Variants in RIN2 observed in about 807,000 individuals in gnomAD.
The protein encoded by RIN2 is Ras and Rab interactor 2, also known as RAB5 interacting protein 2.
A neutral mutation model predicts 78.0 loss-of-function variants in RIN2; 36 were observed. The observed-to-expected ratio is 0.46, with a 90% CI of 0.35 to 0.61. The LOEUF (loss-of-function observed/expected upper bound fraction) is 0.61. Among genes scored for constraint, RIN2 ranks in the 20% least tolerant of loss-of-function variants. RIN2 has a pLI of 0.00. For synonymous variants in RIN2, 466 were observed against 466.8 expected (o/e 1.00, Z 0.02); for missense variants, 1,087 against 1,159.7 (o/e 0.94, Z 0.91).
At chr20:19,905,108 T>C (rs2039160586) in intron 3 of RIN2, among the ~76,000 whole-genome samples, 1 of 152,172 alleles carries the variant, frequency 6.6e-6, no homozygotes, top group South Asian at 2.1e-4. Context: ...CTGGTCTTTA[T>C]TGTACAGGTC....
At chr20:19,830,039 C>T (rs2036205622) in intron 2 of RIN2, among the ~76,000 whole-genome samples, 1 of 152,124 alleles carries the variant, frequency 6.6e-6, no homozygotes, top group East Asian at 1.9e-4. Flanking sequence ...CAGAAATTAT[C>T]CTGAACGACA....
intron 2 of RIN2, among the ~76,000 whole-genome samples, chr20:19,856,146 A>G (rs188799593): frequency 1.5e-4 from 23 of 152,334 alleles, no homozygotes; most frequent in Non-Finnish European, 8.8e-5. Flanking sequence ...CATACCCTGT[A>G]TATGAAAGAA....
intron 3 of RIN2, among the ~76,000 whole-genome samples, chr20:19,910,430 C>G (rs2039411991): frequency 6.6e-6 from 1 of 152,116 alleles, no homozygotes; most frequent in Non-Finnish European, 1.5e-5. Flanking sequence ...ACCTTGGCCT[C>G]CCAAAGTGCT....
intron 3 of RIN2, among the ~76,000 whole-genome samples, chr20:19,933,876 T>C (rs2143763): frequency 0.6 from 91,587 of 152,026 alleles, 32,636 homozygotes; most frequent in Non-Finnish European, 0.8. Flanking sequence ...TGGCATGATC[T>C]TGGCTCACTG....
At chr20:19,771,962 C>A (rs913040906) in intron 1 of RIN2, among the ~76,000 whole-genome samples, 1 of 152,166 alleles carries the variant, frequency 6.6e-6, no homozygotes, top group South Asian at 2.1e-4. Flanking sequence ...ATCTGCAGAA[C>A]TTCCATGACT....
At chr20:19,869,083 A>T (rs1405000526) in intron 2 of RIN2, among the ~76,000 whole-genome samples, 5 of 81,794 alleles carry the variant, frequency 6.1e-5, no homozygotes, top group African/African-American at 2.5e-4. Flanking sequence ...CTCCGTCTCA[A>T]AAAAAAAAAA....
At chr20:19,947,857 T>C (rs2041155927) in intron 4 of RIN2, among the ~76,000 whole-genome samples, 1 of 152,224 alleles carries the variant, frequency 6.6e-6, no homozygotes, top group Non-Finnish European at 1.5e-5. Context: ...TCCACCAGGA[T>C]TGGCCTGGGA....
Position 19,960,686 on chromosome 20 carries a change from T to C in RIN2, c.352-14T>C, listed in dbSNP as rs767916170. 4.5e-6 allele frequency: 7 copies of C among 1,539,626 alleles called. No homozygotes were observed. The highest frequency in any genetic ancestry group is 3.7e-5 in the Admixed American group (2 of 53,520). ...GATATTTCCTAAAGCTTGTATTTCT[T>C]TTCCCTCCACTAGATCTTCCTGGTT... On this transcript the variant is annotated splice_polypyrimidine_tract_variant and intron_variant, in intron 5 of 12. Transcript: ENST00000255006.
At chr20:19,883,868 C>T (rs2038099495) in intron 2 of RIN2, among the ~76,000 whole-genome samples, 2 of 141,542 alleles carry the variant, frequency 1.4e-5, no homozygotes, top group South Asian at 4.8e-4. Context: ...GTTTTAACCA[C>T]CGCACCTCAC....
chr20:19,968,476 CATGTGT>C (rs1322709229), intron 7 of RIN2, among the ~76,000 whole-genome samples: 1 of 151,968 alleles, frequency 6.6e-6, no homozygotes, highest in Non-Finnish European at 1.5e-5. Context: ...CATGCATGTG[CATGTGT>C]GTGTGCATGT....
intron 9 of RIN2, among the ~76,000 whole-genome samples, chr20:19,984,477 T>C (rs1164099470): frequency 6.6e-6 from 1 of 152,046 alleles, no homozygotes; most frequent in Non-Finnish European, 1.5e-5. Flanking sequence ...GGTAACAGAA[T>C]CTCATGGGGC....
intron 3 of RIN2, among the ~76,000 whole-genome samples, chr20:19,909,408 T>C (rs1286989292): frequency 6.6e-6 from 1 of 152,186 alleles, no homozygotes; most frequent in Admixed American, 6.5e-5. Flanking sequence ...TTTCAATTTT[T>C]CCCAAGTGAC....
chr20:19,831,097 G>A (rs1251674308), intron 2 of RIN2, among the ~76,000 whole-genome samples: 1 of 152,116 alleles, frequency 6.6e-6, no homozygotes, highest in East Asian at 1.9e-4. Context: ...GCCTCTTCTA[G>A]AAGTACACAG....
At chr20:19,918,835 G>A (rs13045530) in intron 3 of RIN2, among the ~76,000 whole-genome samples, 3,111 of 152,094 alleles carry the variant, frequency 0.02, 90 homozygotes, top group African/African-American at 0.068. Flanking sequence ...GATGTGTTAC[G>A]CAGAGCCCAA....
In RIN2 at chr20:19,781,886, G is replaced by A. The variant is rs557080732; in HGVS notation, c.-162-17736G>A. Among the ~76,000 whole-genome samples the A allele has an allele frequency of 4.0e-5, 6 of 151,718 alleles. No individual in the cohort carries two copies. In the South Asian group the frequency reaches 6.3e-4, roughly 16 times the overall value. ...CTGTGCCCCCTACAGCTAGGAATAC[G>A]AAACCTAAAACATATGTACTGAAGG... On this transcript the variant is annotated intron_variant, in intron 1 of 12. Transcript: ENST00000255006.
intron 2 of RIN2, among the ~76,000 whole-genome samples, chr20:19,826,388 A>T (rs561286373): frequency 6.6e-6 from 1 of 152,236 alleles, no homozygotes; most frequent in Non-Finnish European, 1.5e-5. Flanking sequence ...GGCACGGGTA[A>T]CTAAGTAACT....
At chr20:19,982,643 T>G (rs2146352127) in intron 9 of RIN2, among the ~76,000 whole-genome samples, 1 of 152,322 alleles carries the variant, frequency 6.6e-6, no homozygotes, top group East Asian at 1.9e-4. Flanking sequence ...TTGCCTCAAA[T>G]GTAACACGGT....
chr20:19,874,154 C>T (rs2037784950), intron 2 of RIN2, among the ~76,000 whole-genome samples: 1 of 151,920 alleles, frequency 6.6e-6, no homozygotes, highest in African/African-American at 2.4e-5. Context: ...TGTTTAAGGG[C>T]AAGAAGGCTG....
At chr20:19,834,224 C>T (rs561529465) in intron 2 of RIN2, among the ~76,000 whole-genome samples, 11 of 152,274 alleles carry the variant, frequency 7.2e-5, no homozygotes, top group African/African-American at 2.6e-4. Flanking sequence ...TGAAATAAAC[C>T]ACTGGCATGA....
Sources: allele counts gnomAD v4.1 joint callset (sites outside exome capture counted in the v4.1 genomes callset), GRCh38; gene constraint gnomAD v4.1.1; transcripts MANE v1.5; gene names NCBI Gene and HGNC (gene_info 2026-07-23, HGNC 2026-07-21).